Variants in HEMK2 observed in about 807,000 individuals in gnomAD.
HEMK2 encodes the protein methyltransferase HEMK2.
At chr21:28,740,339 A>T in the HEMK2 span, among the ~76,000 whole-genome samples, 1 of 152,142 alleles carries the variant, frequency 6.6e-6, no homozygotes, top group Non-Finnish European at 1.5e-5. Flanking sequence ...AAAGTCCTTT[A>T]TTGTGTGGGT....
At chr21:28,607,751 G>A in the HEMK2 span, among the ~76,000 whole-genome samples, 3 of 152,088 alleles carry the variant, frequency 2.0e-5, no homozygotes, top group Non-Finnish European at 2.9e-5. Flanking sequence ...ATAAATGAAC[G>A]AATAAGTGAA....
At chr21:28,660,619 T>C in the HEMK2 span, among the ~76,000 whole-genome samples, 4 of 151,928 alleles carry the variant, frequency 2.6e-5, no homozygotes, top group Non-Finnish European at 2.9e-5. Flanking sequence ...AAAAACTTAA[T>C]TGTGGTGTAA....
the HEMK2 span, among the ~76,000 whole-genome samples, chr21:28,817,869 C>T: frequency 6.6e-6 from 1 of 152,094 alleles, no homozygotes; most frequent in African/African-American, 2.4e-5. Context: ...GTTACTATCT[C>T]GGAGCTCTGG....
the HEMK2 span, among the ~76,000 whole-genome samples, chr21:28,710,833 A>G: frequency 6.6e-6 from 1 of 152,222 alleles, no homozygotes; most frequent in Non-Finnish European, 1.5e-5. Context: ...CAGAAAACAC[A>G]TTCCTAAATG....
At chr21:28,877,564 G>A in the HEMK2 span, among the ~76,000 whole-genome samples, 1 of 117,864 alleles carries the variant, frequency 8.5e-6, no homozygotes, top group African/African-American at 2.6e-5. Context: ...AAAAGAAAAG[G>A]AAAGGAAAGA....
At chr21:28,759,021 G>A in the HEMK2 span, among the ~76,000 whole-genome samples, 10 of 152,308 alleles carry the variant, frequency 6.6e-5, no homozygotes, top group Admixed American at 5.9e-4. Context: ...ATGGATAGGT[G>A]CCCTCTGATG....
chr21:28,611,027 C>T, the HEMK2 span, among the ~76,000 whole-genome samples: 1 of 152,174 alleles, frequency 6.6e-6, no homozygotes, highest in African/African-American at 2.4e-5. Context: ...TGAATTTAAA[C>T]TATACCCTAC....
chr21:28,606,345 A>G, the HEMK2 span, among the ~76,000 whole-genome samples: 1 of 152,244 alleles, frequency 6.6e-6, no homozygotes, highest in Non-Finnish European at 1.5e-5. Flanking sequence ...ACAGTGTTGT[A>G]CATGCAGACC....
At chr21:28,714,374 C>A in the HEMK2 span, among the ~76,000 whole-genome samples, 1 of 152,078 alleles carries the variant, frequency 6.6e-6, no homozygotes, top group Non-Finnish European at 1.5e-5. Context: ...CCCATTGAGG[C>A]CTATTAATTT....
the HEMK2 span, among the ~76,000 whole-genome samples, chr21:28,644,202 G>A: frequency 3.9e-5 from 6 of 152,322 alleles, no homozygotes; most frequent in South Asian, 1.2e-3. Flanking sequence ...CGAAGGGGAA[G>A]CAAGGCACCT....
chr21:28,578,663 ATCT>A, the HEMK2 span, among the ~76,000 whole-genome samples: 1 of 152,284 alleles, frequency 6.6e-6, no homozygotes, highest in East Asian at 1.9e-4. Context: ...GGGAACTGAA[ATCT>A]TCTACTCAGG....
chr21:28,720,830 G>C, the HEMK2 span, among the ~76,000 whole-genome samples: 2 of 152,080 alleles, frequency 1.3e-5, no homozygotes, highest in African/African-American at 2.4e-5. Context: ...CACTCAACTG[G>C]AGCTGGAGAA....
chr21:28,858,415 T>C, the HEMK2 span, among the ~76,000 whole-genome samples: 2 of 152,202 alleles, frequency 1.3e-5, no homozygotes, highest in East Asian at 3.9e-4. Context: ...AATCACCAGC[T>C]CCTAAGTTTT....
the HEMK2 span, among the ~76,000 whole-genome samples, chr21:28,726,271 A>C: frequency 6.6e-6 from 1 of 152,042 alleles, no homozygotes; most frequent in Non-Finnish European, 1.5e-5. Flanking sequence ...TGTTTTACTT[A>C]GTTCACAACT....
the HEMK2 span, among the ~76,000 whole-genome samples, chr21:28,713,732 C>T: frequency 1.1e-4 from 16 of 152,292 alleles, no homozygotes; most frequent in African/African-American, 1.9e-4. Flanking sequence ...TATCTACCTA[C>T]GGACCCATGT....
the HEMK2 span, among the ~76,000 whole-genome samples, chr21:28,619,331 T>C: frequency 1.3e-5 from 2 of 152,326 alleles, no homozygotes; most frequent in East Asian, 3.9e-4. Context: ...TTGTGCCTTA[T>C]GAGAAGTTAT....
the HEMK2 span, among the ~76,000 whole-genome samples, chr21:28,830,266 T>A: frequency 6.6e-5 from 10 of 152,090 alleles, no homozygotes; most frequent in Non-Finnish European, 1.2e-4. Flanking sequence ...GGTAATTGGA[T>A]CATGGGGGCA....
At chr21:28,826,607 CCA>C in the HEMK2 span, among the ~76,000 whole-genome samples, 1 of 152,142 alleles carries the variant, frequency 6.6e-6, no homozygotes, top group African/African-American at 2.4e-5. Flanking sequence ...CTAACGTTAT[CCA>C]CAGACTGTAT....
chr21:28,579,832 T>C, the HEMK2 span, among the ~76,000 whole-genome samples: 1 of 152,312 alleles, frequency 6.6e-6, no homozygotes, highest in East Asian at 1.9e-4. Flanking sequence ...CTTTCCTATA[T>C]ATTCAAAGTT....
Sources: gnomAD v4.1 joint callset for allele counts (sites outside exome capture counted in the v4.1 genomes callset) on GRCh38, gnomAD v4.1.1 for gene constraint, MANE v1.5 for transcripts, NCBI Gene and HGNC (gene_info 2026-07-23, HGNC 2026-07-21) for gene names.